The following FER variants were observed in gnomAD, a reference collection of about 807,000 sequenced individuals.
FER encodes FER tyrosine kinase, also known as tyrosine-protein kinase Fer.
FER carries 63 observed loss-of-function variants against 111.0 expected under a neutral mutation model. The observed-to-expected ratio is 0.57, with a 90% CI of 0.46 to 0.70. The LOEUF is 0.70. Ranked by LOEUF, FER falls within the 30% of genes least tolerant of loss-of-function variation. The pLI, the probability that FER is intolerant of heterozygous loss-of-function variation, is 0.00. For synonymous variants in FER, 327 were observed against 313.9 expected (o/e 1.04, Z -0.44); for missense variants, 914 against 954.0 (o/e 0.96, Z 0.55).
chr5:109,134,324 A>G (rs1025357495), intron 17 of FER, among the ~76,000 whole-genome samples: 1 of 152,230 alleles, frequency 6.6e-6, no homozygotes, highest in Non-Finnish European at 1.5e-5. Context: ...TATATAAAAC[A>G]TAAAGTTTCA....
chr5:108,774,047 C>T (rs77925714), intron 2 of FER, among the ~76,000 whole-genome samples: 267 of 151,776 alleles, frequency 1.8e-3, no homozygotes, highest in African/African-American at 6.1e-3. Flanking sequence ...AAGTTCCCTC[C>T]CCTCACCTCC....
intron 12 of FER, among the ~76,000 whole-genome samples, chr5:108,958,484 A>G (rs1237258838): frequency 6.6e-6 from 1 of 151,770 alleles, no homozygotes; most frequent in Non-Finnish European, 1.5e-5. Flanking sequence ...TATCCATATG[A>G]CAACCTACTC....
chr5:108,959,396 G>T lies in FER; in HGVS notation c.1656+49G>T, dbSNP rs902650790. ...TCTGTTTGTTTTAAAAGAATTTTTG[G>T]TGAGTTAACATTTCCAACAGTAAAT... On this transcript the variant is annotated intron_variant, in intron 13 of 19. Coordinates refer to ENST00000281092, the MANE Select transcript of FER (RefSeq NM_005246.4). 5 of 1,530,524 alleles carry T rather than the reference G, an allele frequency of 3.3e-6. No individual in the cohort carries two copies. In the African/African-American group the frequency reaches 4.2e-5, roughly 13 times the overall value. The allele number at this position is 1,530,524 out of a possible 1,614,324, so 94.8% of individuals were successfully genotyped here.
At chr5:108,785,335 C>A in intron 2 of FER, 1 of 567,040 alleles carries the variant, frequency 1.8e-6, no homozygotes, top group Non-Finnish European at 3.5e-6. Context: ...TCAGCCCCAA[C>A]TGCTACTGGC....
chr5:108,835,184 AC>A (rs1337713990), intron 4 of FER, among the ~76,000 whole-genome samples: 2,012 of 28,890 alleles, frequency 0.07, 205 homozygotes, highest in Non-Finnish European at 0.081. Context: ...CGTTTGCGCC[AC>A]CCCCCCCCCC....
rs1168639706 is a variant in FER at position 109,190,417 on chromosome 5, A to T, written c.*2842A>T. On this transcript the variant is annotated 3_prime_UTR_variant, in exon 20 of 20. Coordinates refer to ENST00000281092, the MANE Select transcript of FER (RefSeq NM_005246.4). ...GTTCCTCTCATAAGTCCTTAAATTT[A>T]TTAAAAGGGGGAGGTAAACACAAGC... 1 of 152,116 alleles carries T rather than the reference A, an allele frequency of 6.6e-6. No homozygotes were observed. The highest frequency in any genetic ancestry group is 1.5e-5 in the Non-Finnish European group (1 of 68,014). 9.4% of individuals were successfully genotyped at this position (152,116 alleles called of 1,614,324 possible).
chr5:109,048,545 A>G (rs963104732), intron 16 of FER, among the ~76,000 whole-genome samples: 2 of 152,198 alleles, frequency 1.3e-5, no homozygotes, highest in Non-Finnish European at 2.9e-5. Flanking sequence ...TCCTAGTTAA[A>G]TAAAACAAAA....
intron 16 of FER, among the ~76,000 whole-genome samples, chr5:109,053,210 C>T (rs1773093949): frequency 6.6e-6 from 1 of 151,798 alleles, no homozygotes; most frequent in African/African-American, 2.4e-5. Context: ...ATAGCGAAAC[C>T]CCATCTCTAC....
chr5:108,799,926 T>G (rs1027557852), intron 3 of FER, among the ~76,000 whole-genome samples: 9 of 150,938 alleles, frequency 6.0e-5, no homozygotes, highest in Non-Finnish European at 1.3e-4. Context: ...CACTAAAACC[T>G]CTGCCTCCCG....
intron 5 of FER, among the ~76,000 whole-genome samples, chr5:108,850,236 G>GC (rs1334843494): frequency 2.7e-5 from 4 of 149,166 alleles, no homozygotes; most frequent in Admixed American, 6.7e-5. Context: ...TTTTGAGCTT[G>GC]TTTTTTTTTC....
chr5:108,846,413 G>A (rs1216585663), intron 5 of FER, among the ~76,000 whole-genome samples: 2 of 151,878 alleles, frequency 1.3e-5, no homozygotes, highest in Non-Finnish European at 2.9e-5. Context: ...GTGACAAAGT[G>A]AGACCTTGTC....
chr5:108,758,339 A>G (rs551356432), intron 1 of FER, among the ~76,000 whole-genome samples: 2 of 152,354 alleles, frequency 1.3e-5, no homozygotes, highest in Non-Finnish European at 2.9e-5. Flanking sequence ...TAATAGCTGT[A>G]TGAATTTAGA....
In FER at chr5:108,756,701, G is replaced by A. The variant is rs920692722; in HGVS notation, c.-206+8701G>A. Among the ~76,000 whole-genome samples the A allele has an allele frequency of 3.3e-5, 5 of 152,094 alleles. No homozygotes were observed. In the East Asian group the frequency reaches 7.7e-4, roughly 23 times the overall value. On this transcript the variant is annotated intron_variant, in intron 1 of 19. Coordinates refer to ENST00000281092, the MANE Select transcript of FER (RefSeq NM_005246.4). ...TACAAGCATTTATGTTGGGGATGAT[G>A]TATGAGAATCTTTATGTAGATTTAT... is the stretch of plus-strand genomic sequence containing the variant.
At chr5:109,055,057 A>C (rs1773445432) in intron 16 of FER, among the ~76,000 whole-genome samples, 1 of 152,220 alleles carries the variant, frequency 6.6e-6, no homozygotes, top group African/African-American at 2.4e-5. Context: ...AAGAAGACAC[A>C]AAGGGGAAAG....
At chr5:108,792,471 G>T in intron 2 of FER, among the ~76,000 whole-genome samples, 1 of 151,984 alleles carries the variant, frequency 6.6e-6, no homozygotes, top group East Asian at 1.9e-4. Flanking sequence ...CCGAGTAGCT[G>T]GGATTACAGG....
chr5:108,874,515 AT>A (rs1292248096), intron 8 of FER, among the ~76,000 whole-genome samples: 1 of 152,114 alleles, frequency 6.6e-6, no homozygotes, highest in Admixed American at 6.6e-5. Context: ...CCAGAGAGTT[AT>A]TCAGCATCTC....
chr5:108,855,293 A>T (rs1205696749), intron 5 of FER, among the ~76,000 whole-genome samples: 1 of 152,198 alleles, frequency 6.6e-6, no homozygotes, highest in African/African-American at 2.4e-5. Flanking sequence ...CTTAACAAAG[A>T]CTGAGCCCAA....
intron 17 of FER, among the ~76,000 whole-genome samples, chr5:109,113,008 C>G (rs958134507): frequency 6.6e-6 from 1 of 152,132 alleles, no homozygotes; most frequent in Admixed American, 6.6e-5. Flanking sequence ...CCTAATCCAT[C>G]TACCTGTCAA....
At chr5:109,097,153 T>A (rs150052109) in intron 16 of FER, among the ~76,000 whole-genome samples, 121 of 151,896 alleles carry the variant, frequency 8.0e-4, no homozygotes, top group African/African-American at 2.8e-3. Flanking sequence ...TTTAGAAAGA[T>A]TAAACAGTTA....
Sources: gnomAD v4.1 joint callset for allele counts (sites outside exome capture counted in the v4.1 genomes callset) on GRCh38, gnomAD v4.1.1 for gene constraint, MANE v1.5 for transcripts, NCBI Gene and HGNC (gene_info 2026-07-23, HGNC 2026-07-21) for gene names.